Variants in CDS2 observed in about 807,000 individuals in gnomAD.
The protein encoded by CDS2 is phosphatidate cytidylyltransferase 2.
CDS2 carries 47 observed loss-of-function variants against 59.0 expected under a neutral mutation model. The ratio of observed to expected loss-of-function variants is 0.80; its 90% CI spans 0.63 to 1.02. CDS2 has a LOEUF of 1.02. Among genes scored for constraint, CDS2 ranks in the 50% least tolerant of loss-of-function variants. The pLI, the probability that CDS2 is intolerant of heterozygous loss-of-function variation, is 0.00. For synonymous variants in CDS2, 207 were observed against 206.4 expected, an observed-to-expected ratio of 1.00 and a Z score of -0.02; for missense variants, 356 against 558.9, an observed-to-expected ratio of 0.64 and a Z score of 3.66.
At position 5,184,769 on chromosome 20, in the gene CDS2, G is replaced by A. The variant is rs1430612507; in HGVS notation, c.672-89G>A. ...TACCAGAATTTTATGGGTGATTTTG[G>A]TGCTGGAATTTAAGAATGGCACTAT... On this transcript the variant is annotated intron_variant, in intron 7 of 12. Transcript: ENST00000460006. This position sits in a 1 kb window ranked among gnomAD's most constrained non-coding sequence, Gnocchi z 4.3. 3 of 990,292 alleles carry A rather than the reference G, an allele frequency of 3.0e-6. No homozygotes were observed. Among genetic ancestry groups the A allele is most frequent in the Admixed American group, 3.5e-5 (2 of 56,644 alleles). 61.3% of individuals were successfully genotyped at this position (990,292 alleles called of 1,614,324 possible).
intron 10 of CDS2, among the ~76,000 whole-genome samples, chr20:5,188,764 C>T (rs544699293): frequency 1.3e-5 from 2 of 152,172 alleles, no homozygotes; most frequent in African/African-American, 2.4e-5. Flanking sequence ...TGTAACATGG[C>T]GGAGAAGGTC....
intron 1 of CDS2, among the ~76,000 whole-genome samples, chr20:5,133,211 A>G (rs1304427716): frequency 3.9e-5 from 6 of 152,186 alleles, no homozygotes. Flanking sequence ...AAAAAATGTT[A>G]AATTGCTCTC....
chr20:5,139,858 G>A (rs1373857554), intron 1 of CDS2, among the ~76,000 whole-genome samples: 6 of 150,986 alleles, frequency 4.0e-5, no homozygotes, highest in African/African-American at 9.8e-5. Context: ...GAGTGCAGTG[G>A]CACGATCTCA....
At position 5,185,772 on chromosome 20, in the gene CDS2, G is replaced by A. The variant is rs3818196; in HGVS notation, c.774G>A (p.Lys258=). Residue 258 remains lysine, a synonymous_variant, in exon 9 of 13, where the codon AAG becomes AAA. Coordinates refer to ENST00000460006, the MANE Select transcript of CDS2 (RefSeq NM_003818.4). ...TCTGTCCACAGCTGTCCCCGAAGAA[G>A]ACCTGGGAAGGCTTCATTGGGGGCT... ...RTPLIKLSPK[K]TWEGFIGGFF... The A allele has an allele frequency of 0.02, 32,210 of 1,614,152 alleles. 732 individuals carry two copies. The highest frequency in any genetic ancestry group is 0.097 in the East Asian group (4,366 of 44,880).
At position 5,190,126 on chromosome 20, in the gene CDS2, T is replaced by A. The variant is rs780046068; in HGVS notation, c.1230T>A (p.Ile410=). 12 of 1,613,984 alleles carry A rather than the reference T, an allele frequency of 7.4e-6. No homozygotes were observed. In the East Asian group the frequency reaches 2.7e-4, roughly 36 times the overall value. ...FIRGPNPSKL[I]QQFLTLRPDQ... Reference sequence around the variant, plus strand: ...GAGGCCCTAACCCAAGCAAACTGATTCAGCAGTTCCTGACTTTACGGCCAG... The same window carrying A: ...GAGGCCCTAACCCAAGCAAACTGATACAGCAGTTCCTGACTTTACGGCCAG... The change falls in exon 13 of 13, where the codon ATT becomes ATA. Residue 410 remains isoleucine, a synonymous_variant. Transcript: ENST00000460006.
At chr20:5,144,548 T>C (rs1366664842) in intron 1 of CDS2, among the ~76,000 whole-genome samples, 1 of 152,168 alleles carries the variant, frequency 6.6e-6, no homozygotes, top group African/African-American at 2.4e-5. Context: ...AGAAATTGCT[T>C]TGGAGACTAC....
At chr20:5,161,936 A>AT (rs2090879303) in intron 1 of CDS2, among the ~76,000 whole-genome samples, 1 of 152,190 alleles carries the variant, frequency 6.6e-6, no homozygotes. Flanking sequence ...GCCATTAGCT[A>AT]TTTTTGCTGT....
At chr20:5,130,512 C>T (rs575404821) in intron 1 of CDS2, among the ~76,000 whole-genome samples, 29 of 151,660 alleles carry the variant, frequency 1.9e-4, no homozygotes, top group African/African-American at 6.8e-4. Context: ...CGCGGTGGCT[C>T]ACGCCTGTAA....
intron 1 of CDS2, among the ~76,000 whole-genome samples, chr20:5,142,417 G>A (rs979215111): frequency 2.6e-5 from 4 of 151,686 alleles, no homozygotes; most frequent in Admixed American, 6.6e-5. Flanking sequence ...ACTGCATTCC[G>A]ACCTGGGTAA....
intron 1 of CDS2, among the ~76,000 whole-genome samples, chr20:5,133,048 G>A (rs965140716): frequency 2.0e-5 from 3 of 151,652 alleles, no homozygotes; most frequent in African/African-American, 7.3e-5. Context: ...GGTGGCGCCC[G>A]TAGTCCCAGC....
At chr20:5,149,849 G>A (rs1467033482) in intron 1 of CDS2, among the ~76,000 whole-genome samples, 1 of 152,120 alleles carries the variant, frequency 6.6e-6, no homozygotes, top group Non-Finnish European at 1.5e-5. Flanking sequence ...CTGAGTAGCT[G>A]GGATTACAGG....
intron 2 of CDS2, 126 bp from the exon 3 acceptor site, chr20:5,175,057 G>T: frequency 1.4e-6 from 1 of 709,308 alleles, no homozygotes; most frequent in Admixed American, 2.2e-5. Context: ...CTCCGTCACG[G>T]TGAATCTGGA....
chr20:5,140,317 G>T (rs968950959), intron 1 of CDS2, among the ~76,000 whole-genome samples: 1 of 152,176 alleles, frequency 6.6e-6, no homozygotes, highest in African/African-American at 2.4e-5. Context: ...TCAAAGGGAT[G>T]TACTTTGTTT....
chr20:5,177,701 C>T (rs1223551357), intron 4 of CDS2, among the ~76,000 whole-genome samples: 1 of 152,140 alleles, frequency 6.6e-6, no homozygotes, highest in Non-Finnish European at 1.5e-5. Context: ...CCCCAGCAAC[C>T]TGGTCACTGT....
In CDS2 at chr20:5,185,839, T is replaced by G; in HGVS notation, c.828+13T>G. 1 of 1,613,802 alleles carries G rather than the reference T, an allele frequency of 6.2e-7. No homozygotes were observed. Among genetic ancestry groups the G allele is most frequent in the Non-Finnish European group, 8.5e-7 (1 of 1,179,658 alleles). Reference sequence around the variant, plus strand: ...GTTTGGCCTTCTGGTAGGTGGTGGCTTTCAGCTGTGTAAGGGATTGGGTGG... The same window carrying G: ...GTTTGGCCTTCTGGTAGGTGGTGGCGTTCAGCTGTGTAAGGGATTGGGTGG... On this transcript the variant is annotated intron_variant, in intron 9 of 12. Coordinates refer to ENST00000460006, the MANE Select transcript of CDS2 (RefSeq NM_003818.4).
intron 1 of CDS2, among the ~76,000 whole-genome samples, chr20:5,169,413 A>G (rs1008775709): frequency 2.6e-5 from 4 of 152,216 alleles, no homozygotes; most frequent in African/African-American, 9.6e-5. Context: ...CATGAGCAGG[A>G]AAGTGGGTAC....
intron 5 of CDS2, among the ~76,000 whole-genome samples, chr20:5,179,835 C>A (rs568711625): frequency 6.6e-6 from 1 of 152,158 alleles, no homozygotes; most frequent in African/African-American, 2.4e-5. Context: ...GGTAAGGCCA[C>A]GTACTAATTC....
chr20:5,180,818 CAGAGGGACGAAGATCCA>C (rs2091028493), intron 5 of CDS2, among the ~76,000 whole-genome samples: 1 of 152,044 alleles, frequency 6.6e-6, no homozygotes, highest in Non-Finnish European at 1.5e-5. Flanking sequence ...CTAAGGGTTG[CAGAGGGACGAAGATCCA>C]TCCTCTGTAA....
At chr20:5,142,999 T>A (rs1057199044) in intron 1 of CDS2, among the ~76,000 whole-genome samples, 1 of 152,116 alleles carries the variant, frequency 6.6e-6, no homozygotes, top group Non-Finnish European at 1.5e-5. Context: ...AACACCACCA[T>A]GTCTGGCTAA....
Sources: gnomAD v4.1 joint callset for allele counts (sites outside exome capture counted in the v4.1 genomes callset) on GRCh38, gnomAD v4.1.1 for gene constraint, Gnocchi (gnomAD v3.1) non-coding constraint, MANE v1.5 for transcripts, NCBI Gene and HGNC (gene_info 2026-07-23, HGNC 2026-07-21) for gene names.